Variants in DSTN observed in about 807,000 individuals in gnomAD.
DSTN encodes the protein destrin, actin depolymerizing factor, also known as destrin.
In DSTN, 10 loss-of-function variants were observed where a neutral mutation model predicts 16.8. That is an observed-to-expected ratio of 0.60 (90% CI 0.37 to 1.01). DSTN has a LOEUF of 1.01. DSTN is among the 50% of genes least tolerant of loss of function. The probability of loss-of-function intolerance (pLI) is 0.01; values close to 1 mark genes in which losing one functional copy is unlikely to be tolerated. For synonymous variants in DSTN, 57 were observed against 58.9 expected, an observed-to-expected ratio of 0.97 and a Z score of 0.14; for missense variants, 141 against 196.7, an observed-to-expected ratio of 0.72 and a Z score of 1.69.
chr20:17,591,786 CAT>C, intron 1 of DSTN: 1 of 608,660 alleles, frequency 1.6e-6, no homozygotes, highest in Non-Finnish European at 2.1e-6. Flanking sequence ...CCTAAGGTGA[CAT>C]AGCTAGTTAG....
rs192733084 is a variant in DSTN at position 17,593,817 on chromosome 20, A to T, written c.4-6921A>T. Reference sequence around the variant, plus strand: ...TATTGGGCTGGGGGTGGTGGCTCATACCTGTAGTCTCAGCACTTTGGGAGG... The same window carrying T: ...TATTGGGCTGGGGGTGGTGGCTCATTCCTGTAGTCTCAGCACTTTGGGAGG... On this transcript the variant is annotated intron_variant, in intron 1 of 3. Transcript: ENST00000246069. Among the ~76,000 whole-genome samples, 111 of 152,248 alleles carry T rather than the reference A, an allele frequency of 7.3e-4. 1 individual carries two copies. Among genetic ancestry groups the T allele is most frequent in the African/African-American group, 2.4e-3 (100 of 41,532 alleles).
At chr20:17,576,646 A>G (rs1304863159) in intron 1 of DSTN, 1 of 152,244 alleles carries the variant, frequency 6.6e-6, no homozygotes. Context: ...GAGTGCTTGA[A>G]AGATAGAAAC....
At chr20:17,578,725 C>G (rs1201339076) in intron 1 of DSTN, among the ~76,000 whole-genome samples, 1 of 152,080 alleles carries the variant, frequency 6.6e-6, no homozygotes, top group Non-Finnish European at 1.5e-5. Flanking sequence ...CTTCGGGAGG[C>G]CAAGGTGGGT....
chr20:17,598,316 A>T lies in DSTN; in HGVS notation c.4-2422A>T, dbSNP rs113376535. ...CCCTTTTACAGTTCTACAGTAGCAT[A>T]TCAGGGTTCCAAGTTCTCCATGGCC... On this transcript the variant is annotated intron_variant, in intron 1 of 3. Coordinates refer to ENST00000246069, the MANE Select transcript of DSTN (RefSeq NM_006870.4). 7.8e-3 allele frequency among the ~76,000 whole-genome samples: 1,182 copies of T among 152,304 alleles called. 14 individuals carry two copies. The highest frequency in any genetic ancestry group is 0.024 in the African/African-American group (1,013 of 41,554).
chr20:17,573,810 G>A (rs1262417692), intron 1 of DSTN, among the ~76,000 whole-genome samples: 2 of 151,642 alleles, frequency 1.3e-5, no homozygotes, highest in Non-Finnish European at 2.9e-5. Flanking sequence ...TTACACGCAT[G>A]CTGCATCCTG....
In DSTN at chr20:17,607,275, A is replaced by G. The variant is rs541426618; in HGVS notation, c.*129A>G. On this transcript the variant is annotated 3_prime_UTR_variant, in exon 4 of 4. Transcript: ENST00000246069. The stretch of plus-strand genomic sequence containing the variant: ...GTCTTGTCATCTTTTAGAGTAAACT[A>G]TTCTATAAACATATGCAAACAGCCC... The G allele has an allele frequency of 3.1e-5, 22 of 706,108 alleles. No homozygotes were observed. The highest frequency in any genetic ancestry group is 4.0e-5 in the Non-Finnish European group (18 of 451,680). 43.7% of individuals were successfully genotyped at this position (706,108 alleles called of 1,614,324 possible).
At chr20:17,574,860 C>CTTTT (rs1410531139) in intron 1 of DSTN, among the ~76,000 whole-genome samples, 25 of 67,178 alleles carry the variant, frequency 3.7e-4, no homozygotes, top group East Asian at 2.2e-3. Context: ...TTTTTCTTTT[C>CTTTT]TTTTCTTTTG....
intron 1 of DSTN, among the ~76,000 whole-genome samples, chr20:17,594,013 C>T (rs866139538): frequency 2.0e-5 from 3 of 151,912 alleles, no homozygotes; most frequent in African/African-American, 2.4e-5. Context: ...CCCAGGAGTG[C>T]GAGGCTGCAG....
At position 17,571,608 on chromosome 20, in the gene DSTN, G is replaced by A. The variant is rs117388189; in HGVS notation, c.3+1397G>A. Among the ~76,000 whole-genome samples, 104 of 152,160 alleles carry A rather than the reference G, an allele frequency of 6.8e-4. 2 individuals carry two copies. In the East Asian group the frequency reaches 0.02, roughly 29 times the overall value. ...CTTTATACTGAAAGACTTAATCTAG[G>A]GGCTTTGAGTTATGGTACGCTTAAG... On this transcript the variant is annotated intron_variant, in intron 1 of 3. Coordinates refer to ENST00000246069, the MANE Select transcript of DSTN (RefSeq NM_006870.4).
At chr20:17,570,474 C>T (rs1261184507) in intron 1 of DSTN, among the ~76,000 whole-genome samples, 3 of 152,202 alleles carry the variant, frequency 2.0e-5, no homozygotes, top group South Asian at 2.1e-4. Flanking sequence ...CTGAGCGTGG[C>T]CTCTGCGGGT....
Position 17,583,767 on chromosome 20 carries a change from G to T in DSTN, c.3+13556G>T, listed in dbSNP as rs897949838. 1.0e-4 allele frequency among the ~76,000 whole-genome samples: 6 copies of T among 58,884 alleles called. No homozygotes were observed. In the East Asian group the frequency reaches 3.2e-3, roughly 32 times the overall value. 38.6% of individuals were successfully genotyped at this position (58,884 alleles called of 152,430 possible). A position where few individuals can be genotyped will look rare whatever the true frequency, so the allele number is the denominator to read the frequency against. On this transcript the variant is annotated intron_variant, in intron 1 of 3. Transcript: ENST00000246069. Reference sequence around the variant, plus strand: ...TTTTTTTTTTTTTTTTTGAGACAAGGTCTCTGTCACCCAGGTTGGAGTGCA... The same window carrying T: ...TTTTTTTTTTTTTTTTTGAGACAAGTTCTCTGTCACCCAGGTTGGAGTGCA...
At chr20:17,597,200 G>C (rs1328043399) in intron 1 of DSTN, among the ~76,000 whole-genome samples, 2 of 152,174 alleles carry the variant, frequency 1.3e-5, no homozygotes, top group Non-Finnish European at 2.9e-5. Flanking sequence ...TTTAAGAAAA[G>C]TGCTTTTTAA....
At chr20:17,594,715 G>C (rs2035507133) in intron 1 of DSTN, among the ~76,000 whole-genome samples, 1 of 152,170 alleles carries the variant, frequency 6.6e-6, no homozygotes, top group Non-Finnish European at 1.5e-5. Context: ...AGCCACTTGA[G>C]GAGTTACTGC....
At chr20:17,599,148 C>T (rs751148536) in intron 1 of DSTN, 1 of 152,220 alleles carries the variant, frequency 6.6e-6, no homozygotes, top group Non-Finnish European at 1.5e-5. Flanking sequence ...AATGAAGTAA[C>T]CAGCCGCTTT....
At chr20:17,601,991 CAG>C (rs927906898) in intron 2 of DSTN, among the ~76,000 whole-genome samples, 5 of 149,012 alleles carry the variant, frequency 3.4e-5, no homozygotes, top group Non-Finnish European at 7.4e-5. Flanking sequence ...TGGCCTGAGT[CAG>C]GGCAAGGCAG....
chr20:17,582,599 G>T (rs118028669), intron 1 of DSTN, among the ~76,000 whole-genome samples: 4 of 152,088 alleles, frequency 2.6e-5, no homozygotes, highest in East Asian at 3.9e-4. Flanking sequence ...AATTCAGTTG[G>T]GGGGAGAATA....
At chr20:17,606,902 C>T (rs2035648720) in intron 3 of DSTN, 135 bp from the exon 4 acceptor site, 2 of 674,146 alleles carry the variant, frequency 3.0e-6, no homozygotes, top group African/African-American at 1.8e-5. Flanking sequence ...TTTCTCGTTA[C>T]TGTGTAGTAT....
chr20:17,605,637 T>C (rs552188208), intron 3 of DSTN, among the ~76,000 whole-genome samples: 1 of 152,338 alleles, frequency 6.6e-6, no homozygotes, highest in South Asian at 2.1e-4. Context: ...GTTTGATGTT[T>C]GGCAACCCCC....
intron 1 of DSTN, among the ~76,000 whole-genome samples, chr20:17,593,534 C>G (rs2035493697): frequency 3.9e-5 from 6 of 152,178 alleles, no homozygotes; most frequent in Admixed American, 3.9e-4. Flanking sequence ...GATACATGAT[C>G]TTATGGGAGC....
Sources: allele counts gnomAD v4.1 joint callset (sites outside exome capture counted in the v4.1 genomes callset), GRCh38; gene constraint gnomAD v4.1.1; transcripts MANE v1.5; gene names NCBI Gene and HGNC (gene_info 2026-07-23, HGNC 2026-07-21).